LDB2: variants seen among roughly 807,000 people sequenced by gnomAD.
The protein encoded by LDB2 is LIM domain binding 2.
A neutral mutation model predicts 44.3 loss-of-function variants in LDB2; 12 were observed. That is an observed-to-expected ratio of 0.27 (90% CI 0.17 to 0.44). The LOEUF (loss-of-function observed/expected upper bound fraction) is 0.44. LDB2 is among the 20% of genes least tolerant of loss of function. LDB2 has a pLI of 1.00. For missense variants in LDB2, 344 were observed against 473.5 expected (o/e 0.73, Z 2.54); for synonymous variants, 164 against 174.8 (o/e 0.94, Z 0.49).
intron 5 of LDB2, among the ~76,000 whole-genome samples, chr4:16,568,415 T>C (rs954259198): frequency 1.3e-5 from 2 of 152,164 alleles, no homozygotes; most frequent in Non-Finnish European, 2.9e-5. Flanking sequence ...ACATTGAGGG[T>C]AAGTGAGGGA....
intron 1 of LDB2, among the ~76,000 whole-genome samples, chr4:16,783,706 C>T (rs1773804673): frequency 6.6e-6 from 1 of 152,158 alleles, no homozygotes; most frequent in Non-Finnish European, 1.5e-5. Flanking sequence ...TTTACATTTT[C>T]ATTAAATCAT....
At chr4:16,613,760 A>AAT (rs1726329557) in intron 2 of LDB2, among the ~76,000 whole-genome samples, 1 of 152,194 alleles carries the variant, frequency 6.6e-6, no homozygotes, top group Admixed American at 6.5e-5. Flanking sequence ...TGCTCAAGGA[A>AAT]ATAAGAGAGG....
intron 1 of LDB2, among the ~76,000 whole-genome samples, chr4:16,893,353 TC>T (rs1470987472): frequency 6.6e-6 from 1 of 152,120 alleles, no homozygotes; most frequent in Non-Finnish European, 1.5e-5. Flanking sequence ...TTTTTCTTTT[TC>T]TCCACCTATC....
chr4:16,681,453 G>A (rs529577028), intron 2 of LDB2, among the ~76,000 whole-genome samples: 1 of 152,168 alleles, frequency 6.6e-6, no homozygotes, highest in East Asian at 1.9e-4. Context: ...AACCTAAACT[G>A]AGAACACAGT....
intron 1 of LDB2, among the ~76,000 whole-genome samples, chr4:16,760,859 T>G (rs1401709118): frequency 6.6e-6 from 1 of 152,194 alleles, no homozygotes; most frequent in Non-Finnish European, 1.5e-5. Flanking sequence ...ATACATTGGT[T>G]TATTCGACTT....
At chr4:16,837,842 T>C (rs373237438) in intron 1 of LDB2, among the ~76,000 whole-genome samples, 1 of 152,236 alleles carries the variant, frequency 6.6e-6, no homozygotes, top group Non-Finnish European at 1.5e-5. Context: ...TGGTATGATA[T>C]GTTAGGCAGG....
chr4:16,539,301 G>T (rs1177833105), intron 5 of LDB2, among the ~76,000 whole-genome samples: 2 of 152,098 alleles, frequency 1.3e-5, no homozygotes, highest in African/African-American at 4.8e-5. Context: ...GAGGGAGAAG[G>T]ATGTAAAAAG....
chr4:16,891,727 T>C (rs1723467747), intron 1 of LDB2, among the ~76,000 whole-genome samples: 1 of 152,194 alleles, frequency 6.6e-6, no homozygotes, highest in Admixed American at 6.5e-5. Flanking sequence ...AAAATTAAGT[T>C]AGGCAGTTGA....
chr4:16,638,414 G>A (rs1037094482), intron 2 of LDB2, among the ~76,000 whole-genome samples: 5 of 152,146 alleles, frequency 3.3e-5, no homozygotes, highest in South Asian at 2.1e-4. Flanking sequence ...CTGAATGAAC[G>A]TACGAATAGA....
chr4:16,558,803 C>T (rs1740845559), intron 5 of LDB2, among the ~76,000 whole-genome samples: 1 of 152,024 alleles, frequency 6.6e-6, no homozygotes, highest in African/African-American at 2.4e-5. Flanking sequence ...TTAAGGGCAG[C>T]CAGAGAGAAA....
At chr4:16,665,897 A>C (rs1045030687) in intron 2 of LDB2, among the ~76,000 whole-genome samples, 1 of 152,202 alleles carries the variant, frequency 6.6e-6, no homozygotes, top group Non-Finnish European at 1.5e-5. Flanking sequence ...GAAGGAGGCC[A>C]TGTGAAGAAG....
intron 1 of LDB2, among the ~76,000 whole-genome samples, chr4:16,814,784 G>C (rs958880808): frequency 6.6e-6 from 1 of 152,202 alleles, no homozygotes; most frequent in Non-Finnish European, 1.5e-5. Context: ...GCTAGAATCA[G>C]GGGGTACAAA....
intron 2 of LDB2, among the ~76,000 whole-genome samples, chr4:16,638,301 A>G (rs896307054): frequency 1.6e-4 from 24 of 152,258 alleles, no homozygotes; most frequent in African/African-American, 5.5e-4. Context: ...GAATGGGCAC[A>G]GTGACATCCT....
At position 16,635,672 on chromosome 4, in the gene LDB2, A is replaced by G. The variant is rs531351717; in HGVS notation, c.236-39797T>C. On this transcript the variant is annotated intron_variant, in intron 2 of 7. Coordinates refer to ENST00000304523, the MANE Select transcript of LDB2 (RefSeq NM_001290.5). ...GAATTCTCATGCTGGGGGAGAAGGA[A>G]AAGAAAAAAAAATAATAAAAATAGA... Among the ~76,000 whole-genome samples the G allele has an allele frequency of 4.3e-5, 5 of 115,190 alleles. No homozygotes were observed. The Admixed American group carries it at 4.7e-4, about 11-fold the overall frequency. The allele number at this position is 115,190 out of a possible 152,430, so 75.6% of individuals were successfully genotyped here.
chr4:16,737,703 T>C (rs1025153825), intron 2 of LDB2, among the ~76,000 whole-genome samples: 5 of 152,204 alleles, frequency 3.3e-5, no homozygotes, highest in Admixed American at 2.0e-4. Context: ...GCATACAGAA[T>C]GTTTCTGATT....
chr4:16,620,497 C>G (rs1728578036), intron 2 of LDB2, among the ~76,000 whole-genome samples: 1 of 152,124 alleles, frequency 6.6e-6, no homozygotes. Flanking sequence ...TGAGTGTTGC[C>G]AGGGAATGTT....
At chr4:16,576,004 T>G (rs1055289108) in intron 5 of LDB2, among the ~76,000 whole-genome samples, 3 of 152,214 alleles carry the variant, frequency 2.0e-5, no homozygotes, top group African/African-American at 7.2e-5. Flanking sequence ...CCTCCCAAAG[T>G]GCTGAGATTA....
chr4:16,564,397 A>G (rs544789677), intron 5 of LDB2, among the ~76,000 whole-genome samples: 40 of 152,276 alleles, frequency 2.6e-4, no homozygotes, highest in African/African-American at 8.4e-4. Flanking sequence ...CAAAAAATAC[A>G]GCTCAATGCC....
intron 1 of LDB2, among the ~76,000 whole-genome samples, chr4:16,861,651 A>C (rs1428902106): frequency 1.3e-5 from 2 of 152,186 alleles, no homozygotes; most frequent in Non-Finnish European, 2.9e-5. Flanking sequence ...CCGTGCTTTC[A>C]AACTCTCAAG....
Sources: allele counts gnomAD v4.1 joint callset (sites outside exome capture counted in the v4.1 genomes callset), GRCh38; gene constraint gnomAD v4.1.1; transcripts MANE v1.5; gene names NCBI Gene and HGNC (gene_info 2026-07-23, HGNC 2026-07-21).